The following COX7B2 variants were observed in gnomAD, a reference collection of about 807,000 sequenced individuals.
The protein encoded by COX7B2 is cytochrome c oxidase subunit 7B2, mitochondrial.
For synonymous variants in COX7B2, 37 were observed against 32.1 expected, an observed-to-expected ratio of 1.15 and a Z score of -0.51; for missense variants, 109 against 95.9, an observed-to-expected ratio of 1.14 and a Z score of -0.57.
At chr4:46,813,442 A>C (rs1439238837) in intron 2 of COX7B2, among the ~76,000 whole-genome samples, 2 of 152,208 alleles carry the variant, frequency 1.3e-5, no homozygotes, top group African/African-American at 4.8e-5. Context: ...TAGATCACTC[A>C]GATTATATCA....
intron 2 of COX7B2, among the ~76,000 whole-genome samples, chr4:46,837,274 TAC>T (rs33927124): frequency 0.22 from 29,701 of 133,010 alleles, 2,929 homozygotes; most frequent in East Asian, 0.32. Context: ...CACAAAGACA[TAC>T]ACACACACAC....
At chr4:46,851,260 A>C in intron 1 of COX7B2, among the ~76,000 whole-genome samples, 1 of 152,134 alleles carries the variant, frequency 6.6e-6, no homozygotes, top group East Asian at 1.9e-4. Flanking sequence ...GAAATTGCAT[A>C]TCTAAGATAA....
chr4:46,836,318 T>C (rs1026285966), intron 2 of COX7B2, among the ~76,000 whole-genome samples: 3 of 152,116 alleles, frequency 2.0e-5, no homozygotes, highest in African/African-American at 7.2e-5. Flanking sequence ...TATTTTTATA[T>C]CCTTATTCTA....
intron 2 of COX7B2, among the ~76,000 whole-genome samples, chr4:46,767,359 T>C (rs193022444): frequency 4.9e-4 from 75 of 152,260 alleles, no homozygotes; most frequent in Non-Finnish European, 9.1e-4. Context: ...CCTAAGTATA[T>C]AAAGCAAAAA....
intron 2 of COX7B2, among the ~76,000 whole-genome samples, chr4:46,744,263 C>G (rs934982414): frequency 1.3e-5 from 2 of 151,978 alleles, no homozygotes; most frequent in Non-Finnish European, 2.9e-5. Context: ...AATGGGACAC[C>G]AGTCCCCTCA....
chr4:46,750,403 CAAAA>C (rs935014638), intron 2 of COX7B2, among the ~76,000 whole-genome samples: 1 of 151,840 alleles, frequency 6.6e-6, no homozygotes, highest in African/African-American at 2.4e-5. Context: ...AAAACAAAAA[CAAAA>C]ACAAATAAAT....
chr4:46,821,791 T>C (rs546593630), intron 2 of COX7B2, among the ~76,000 whole-genome samples: 1 of 152,238 alleles, frequency 6.6e-6, no homozygotes, highest in African/African-American at 2.4e-5. Flanking sequence ...ATTACCTATA[T>C]TATAAACTAA....
intron 1 of COX7B2, among the ~76,000 whole-genome samples, chr4:46,897,395 T>C (rs1452757571): frequency 6.6e-6 from 1 of 152,236 alleles, no homozygotes; most frequent in East Asian, 1.9e-4. Flanking sequence ...TTTCTCTCTG[T>C]CTCAGGAGAA....
At chr4:46,827,566 A>G (rs558002942) in intron 2 of COX7B2, among the ~76,000 whole-genome samples, 2 of 152,270 alleles carry the variant, frequency 1.3e-5, no homozygotes, top group South Asian at 4.1e-4. Context: ...AAAACAAACA[A>G]ATTTTAAAAG....
rs1025589774 is a variant in COX7B2 at position 46,735,089 on chromosome 4, T to A, written c.104A>T (p.His35Leu). The A allele has an allele frequency of 6.2e-7, 1 of 1,614,018 alleles. No homozygotes were observed. The highest frequency in any genetic ancestry group is 8.5e-7 in the Non-Finnish European group (1 of 1,179,948). Residue 35 changes from histidine (H) to leucine (L), a missense_variant, in exon 3 of 3, where the codon CAT (histidine) becomes CTT (leucine). Transcript: ENST00000355591. ...TAGCACAGCATTACCATATTTATCA[T>A]GAAAATCTGGTGAGTGTTTTACATG... ...HSHVKHSPDF[H>L]DKYGNAVLAS...
chr4:46,884,536 A>G (rs1718955017), intron 1 of COX7B2, among the ~76,000 whole-genome samples: 1 of 152,138 alleles, frequency 6.6e-6, no homozygotes, highest in African/African-American at 2.4e-5. Context: ...TACTGTTAGT[A>G]TAACACAGAA....
intron 2 of COX7B2, among the ~76,000 whole-genome samples, chr4:46,782,608 C>A (rs1044896752): frequency 1.3e-5 from 2 of 152,146 alleles, no homozygotes; most frequent in African/African-American, 4.8e-5. Context: ...AAGCTTTGTT[C>A]TTTTGCTCTT....
chr4:46,810,724 G>A (rs1260669662), intron 2 of COX7B2, among the ~76,000 whole-genome samples: 1 of 152,004 alleles, frequency 6.6e-6, no homozygotes, highest in Non-Finnish European at 1.5e-5. Flanking sequence ...CTATGTATTT[G>A]CCTCTAGCAG....
intron 1 of COX7B2, among the ~76,000 whole-genome samples, chr4:46,908,874 T>C (rs540653825): frequency 4.0e-5 from 6 of 151,690 alleles, no homozygotes; most frequent in Non-Finnish European, 5.9e-5. Context: ...ACCCCGTCTC[T>C]ACTAAAAATA....
At position 46,829,460 on chromosome 4, in the gene COX7B2, AT is replaced by A. The variant is rs1012713062; in HGVS notation, c.-50+15499del. 6.1e-4 allele frequency among the ~76,000 whole-genome samples: 93 copies of A among 152,116 alleles called. No individual in the cohort carries two copies. In the South Asian group the frequency reaches 9.7e-3, roughly 16 times the overall value. ...GAAAATAAGTTTATTTTAACATGCA[AT>A]TTTTTTTCCAGGTAAAACATTCAAT... On this transcript the variant is annotated intron_variant, in intron 2 of 2. Transcript: ENST00000355591.
intron 1 of COX7B2, among the ~76,000 whole-genome samples, chr4:46,849,682 G>C (rs1716537596): frequency 6.6e-6 from 1 of 151,902 alleles, no homozygotes; most frequent in Non-Finnish European, 1.5e-5. Context: ...ATGAATTGGA[G>C]ACAATGAATT....
At chr4:46,880,993 T>TAAAAAAAAAAAAAAAAAAA (rs1215385422) in intron 1 of COX7B2, among the ~76,000 whole-genome samples, 20 of 102,790 alleles carry the variant, frequency 1.9e-4, no homozygotes, top group Non-Finnish European at 2.6e-4. Context: ...TAGAGTATAA[T>TAAAAAAAAAAAAAAAAAAA]AAAAAAAAAA....
chr4:46,744,239 C>A (rs1189026826), intron 2 of COX7B2, among the ~76,000 whole-genome samples: 9 of 152,010 alleles, frequency 5.9e-5, no homozygotes, highest in African/African-American at 2.2e-4. Context: ...AGTACCAGAT[C>A]CCCGCATCCA....
At chr4:46,894,656 A>T (rs1264975657) in intron 1 of COX7B2, among the ~76,000 whole-genome samples, 1 of 152,228 alleles carries the variant, frequency 6.6e-6, no homozygotes, top group Non-Finnish European at 1.5e-5. Context: ...ACTAAACTTA[A>T]GAGCTTCTGC....
Sources: allele counts gnomAD v4.1 joint callset (sites outside exome capture counted in the v4.1 genomes callset), GRCh38; gene constraint gnomAD v4.1.1; transcripts MANE v1.5; gene names NCBI Gene and HGNC (gene_info 2026-07-23, HGNC 2026-07-21).